Variants in CCDC180 observed in about 807,000 individuals in gnomAD.
CCDC180 encodes the protein coiled-coil domain containing 180.
In CCDC180, 154 loss-of-function variants were observed where a neutral mutation model predicts 209.2. The observed-to-expected ratio is 0.74, with a 90% CI of 0.65 to 0.84. The LOEUF is 0.84. CCDC180 is among the 40% of genes least tolerant of loss of function. The pLI, the probability that CCDC180 is intolerant of heterozygous loss-of-function variation, is 0.00. For synonymous variants in CCDC180, 778 were observed against 749.1 expected (o/e 1.04, Z -0.63); for missense variants, 1,874 against 1,997.3 (o/e 0.94, Z 1.18).
chr9:97,338,417 T>C lies in CCDC180; in HGVS notation c.2275-4923T>C, dbSNP rs540746173. ...TTTATTTCTGCCTTCATTTCGTTAT[T>C]TACCTGGTAGTCATTCAGGAGCAGG... On this transcript the variant is annotated intron_variant, in intron 18 of 36. Coordinates refer to ENST00000529487, the MANE Select transcript of CCDC180 (RefSeq NM_020893.6). Among the ~76,000 whole-genome samples the C allele has an allele frequency of 6.6e-5, 10 of 152,286 alleles. No individual in the cohort carries two copies. In the East Asian group the frequency reaches 1.9e-3, roughly 29 times the overall value.
At chr9:97,317,321 A>G in intron 9 of CCDC180, 93 bp downstream of exon 9, 3 of 1,156,938 alleles carry the variant, frequency 2.6e-6, no homozygotes, top group Non-Finnish European at 3.5e-6. Flanking sequence ...GCCATTACTT[A>G]AAAATGCTGC....
At chr9:97,356,536 G>A (rs1195724740) in intron 24 of CCDC180, among the ~76,000 whole-genome samples, 2 of 152,228 alleles carry the variant, frequency 1.3e-5, no homozygotes, top group African/African-American at 4.8e-5. Context: ...TCTGGTGGAG[G>A]CCCCAGATGA....
rs374721980 is a variant in CCDC180 at position 97,366,743 on chromosome 9, G to A, written c.4189+43G>A. The A allele has an allele frequency of 7.4e-5, 118 of 1,600,876 alleles. No individual in the cohort carries two copies. Among genetic ancestry groups the A allele is most frequent in the African/African-American group, 1.2e-4 (9 of 74,612 alleles). On this transcript the variant is annotated intron_variant, in intron 31 of 36. Transcript: ENST00000529487. This position sits in a 1 kb window ranked among gnomAD's most constrained non-coding sequence, Gnocchi z 4.3. ...GAAGGCACGGGGAACAGGGCGGGGC[G>A]CGAAGCCAGTGGTGGAGCTCGGCCT...
intron 2 of CCDC180, among the ~76,000 whole-genome samples, 173 bp from the exon 3 acceptor site, chr9:97,309,241 C>G (rs965307802): frequency 2.6e-5 from 4 of 152,208 alleles, no homozygotes; most frequent in African/African-American, 9.7e-5. Flanking sequence ...GTGACTGTTA[C>G]TGGGAGGAGA....
In CCDC180 at chr9:97,362,335, T is replaced by C. The variant is rs761683108; in HGVS notation, c.3796T>C (p.Ser1266Pro). 3.7e-6 allele frequency: 6 copies of C among 1,613,868 alleles called. No individual in the cohort carries two copies. In the Admixed American group the frequency reaches 5.0e-5, roughly 13 times the overall value. ...TGTGTGCTCACCTCCTGTCCTCTGC[T>C]CCTGTCCTGGGCCCTCGTCACCCAA... is the stretch of plus-strand genomic sequence containing the variant. ...GAVCSPPVLCSCPGPSSPKGF... is the reference protein window; with the variant it reads ...GAVCSPPVLCPCPGPSSPKGF... Residue 1266 changes from serine to proline, a missense_variant, in exon 28 of 37, where the codon TCC (serine) becomes CCC (proline). Transcript: ENST00000529487.
chr9:97,330,711 G>A lies in CCDC180; in HGVS notation c.2218G>A (p.Glu740Lys). 1 of 1,562,206 alleles carries A rather than the reference G, an allele frequency of 6.4e-7. No homozygotes were observed. Among genetic ancestry groups the A allele is most frequent in the Non-Finnish European group, 8.6e-7 (1 of 1,158,986 alleles). ...AGAGGAGGAGGAGGAGAAGCTGGAG[G>A]AAGAGAAGGAGGAGAAGGAGGCACA... ...EEEEEEEKLE[E>K]EKEEKEAQEE... Residue 740 changes from glutamate (E) to lysine (K), a missense_variant, in exon 18 of 37, where the codon GAA becomes AAA. Coordinates refer to ENST00000529487, the MANE Select transcript of CCDC180 (RefSeq NM_020893.6).
At chr9:97,353,951 C>A (rs181240302) in intron 22 of CCDC180, among the ~76,000 whole-genome samples, 169 of 151,938 alleles carry the variant, frequency 1.1e-3, no homozygotes, top group Non-Finnish European at 1.7e-3. Flanking sequence ...TCTGGTGCTG[C>A]CCACATTCCA....
At chr9:97,340,665 G>A (rs1826049726) in intron 18 of CCDC180, among the ~76,000 whole-genome samples, 2 of 152,208 alleles carry the variant, frequency 1.3e-5, no homozygotes, top group South Asian at 4.1e-4. Context: ...CGCAGACAGG[G>A]CCACCAGAAG....
chr9:97,362,486 C>A, intron 28 of CCDC180, 45 bp downstream of exon 28: 1 of 1,592,528 alleles, frequency 6.3e-7, no homozygotes, highest in Non-Finnish European at 8.6e-7. Context: ...AGTCCATCCC[C>A]CCACACAAAG....
intron 8 of CCDC180, 122 bp from the exon 9 acceptor site, chr9:97,316,943 C>A: frequency 1.1e-6 from 1 of 894,994 alleles, no homozygotes; most frequent in Non-Finnish European, 1.7e-6. Context: ...TGCAACCACC[C>A]CACTTGGCCC....
At chr9:97,324,935 G>C (rs1833479927) in intron 13 of CCDC180, 84 bp from the exon 14 acceptor site, 2 of 1,320,638 alleles carry the variant, frequency 1.5e-6, no homozygotes, top group African/African-American at 1.4e-5. Flanking sequence ...AGTCGTTAGA[G>C]ACAGGGGGTC....
At chr9:97,374,857 C>T (rs1827201928) in intron 35 of CCDC180, among the ~76,000 whole-genome samples, 1 of 152,194 alleles carries the variant, frequency 6.6e-6, no homozygotes, top group African/African-American at 2.4e-5. Context: ...ACCTGGGGTG[C>T]CCCAGCACAT....
At position 97,323,803 on chromosome 9, in the gene CCDC180, C is replaced by A; in HGVS notation, c.1271C>A (p.Ala424Asp). Residue 424 changes from alanine to aspartate, a missense_variant, in exon 13 of 37, where the codon GCC (alanine) becomes GAC (aspartate). Transcript: ENST00000529487. ...CAGAAGCAGCTGCTGGACTGGAAAG[C>A]CTTCACTGAGGAGGAGGCAGAGACC... is the stretch of plus-strand genomic sequence containing the variant. ...NCKKQLLDWK[A>D]FTEEEAETLV... 1 of 1,558,500 alleles carries A rather than the reference C, an allele frequency of 6.4e-7. No individual in the cohort carries two copies. The highest frequency in any genetic ancestry group is 8.7e-7 in the Non-Finnish European group (1 of 1,150,370).
chr9:97,309,057 A>G (rs751680128), intron 2 of CCDC180, among the ~76,000 whole-genome samples: 1 of 152,236 alleles, frequency 6.6e-6, no homozygotes, highest in Non-Finnish European at 1.5e-5. Flanking sequence ...TGTGGGTCTC[A>G]TCTTTAACAA....
At chr9:97,311,328 C>T (rs1181360451) in intron 3 of CCDC180, among the ~76,000 whole-genome samples, 1 of 152,202 alleles carries the variant, frequency 6.6e-6, no homozygotes, top group Non-Finnish European at 1.5e-5. Flanking sequence ...GGCCTGGGCC[C>T]CATCAGCTGC....
intron 18 of CCDC180, 76 bp downstream of exon 18, chr9:97,330,843 G>A (rs1437946782): frequency 1.5e-6 from 2 of 1,369,178 alleles, no homozygotes; most frequent in East Asian, 4.6e-5. Context: ...CCTAGTGTAA[G>A]CTGGGGTCTT....
In CCDC180 at chr9:97,369,935, G is replaced by T; in HGVS notation, c.4203G>T (p.Gln1401His). The T allele has an allele frequency of 1.9e-6, 3 of 1,614,186 alleles. No individual in the cohort carries two copies. Among genetic ancestry groups the T allele is most frequent in the Non-Finnish European group, 2.5e-6 (3 of 1,180,032 alleles). ...HNSCLIELRI[Q>H]IRRFEELLPQ... ...CACTTCTGGCAGAATTACGGATCCA[G>T]ATCAGGAGATTTGAGGAGCTGCTGC... The change falls in exon 32 of 37, where the codon CAG (glutamine) becomes CAT (histidine). Residue 1401 changes from glutamine (Q) to histidine (H), a missense_variant. Transcript: ENST00000529487.
At position 97,364,095 on chromosome 9, in the gene CCDC180, G is replaced by A. The variant is rs139571342; in HGVS notation, c.3947G>A (p.Arg1316Gln). Residue 1316 changes from arginine (R) to glutamine (Q), a missense_variant, in exon 29 of 37, where the codon CGG becomes CAG. Physicochemically the swap from Arg to Gln is conservative, Grantham distance 43. Coordinates refer to ENST00000529487, the MANE Select transcript of CCDC180 (RefSeq NM_020893.6). ...CCCAACAAAATGGAGAGAAAGTACC[G>A]GGTGCTTGGGGACAAGCCTCCCCCT... ...PKPNKMERKY[R>Q]VLGDKPPPAA... The A allele has an allele frequency of 5.8e-5, 93 of 1,613,952 alleles. No homozygotes were observed. The highest frequency in any genetic ancestry group is 1.0e-4 in the Admixed American group (6 of 59,988).
At chr9:97,335,667 A>T (rs956879242) in intron 18 of CCDC180, among the ~76,000 whole-genome samples, 2 of 152,214 alleles carry the variant, frequency 1.3e-5, no homozygotes, top group Non-Finnish European at 2.9e-5. Context: ...TAGTAGCATG[A>T]TTTATAATCC....
Sources: allele counts gnomAD v4.1 joint callset (sites outside exome capture counted in the v4.1 genomes callset), GRCh38; gene constraint gnomAD v4.1.1; non-coding constraint Gnocchi (gnomAD v3.1); transcripts MANE v1.5; gene names NCBI Gene and HGNC (gene_info 2026-07-23, HGNC 2026-07-21).